The following PTK2 variants were observed in gnomAD, a reference collection of about 807,000 sequenced individuals.
PTK2 encodes the protein focal adhesion kinase 1.
PTK2 carries 45 observed loss-of-function variants against 150.1 expected under a neutral mutation model. The ratio of observed to expected loss-of-function variants is 0.30; its 90% CI spans 0.24 to 0.38. The LOEUF (loss-of-function observed/expected upper bound fraction) is 0.38. Among genes scored for constraint, PTK2 ranks in the 10% least tolerant of loss-of-function variants. PTK2 has a pLI of 1.00. For synonymous variants in PTK2, 432 were observed against 449.2 expected (o/e 0.96, Z 0.48); for missense variants, 919 against 1,307.3 (o/e 0.70, Z 4.58).
intron 30 of PTK2, among the ~76,000 whole-genome samples, chr8:140,667,102 CA>C (rs1330434230): frequency 2.1e-4 from 32 of 152,130 alleles, no homozygotes; most frequent in Admixed American, 1.8e-3. Flanking sequence ...TGGAGGTTGC[CA>C]GGGGCTGGGG....
intron 1 of PTK2, among the ~76,000 whole-genome samples, chr8:140,928,586 TATATAAATTCA>T (rs1256906357): frequency 1.3e-5 from 2 of 152,234 alleles, no homozygotes; most frequent in Non-Finnish European, 2.9e-5. Flanking sequence ...CAACATGTGG[TATATAAATTCA>T]ATGAAATATT....
At chr8:140,904,942 C>T (rs1475833185) in intron 2 of PTK2, among the ~76,000 whole-genome samples, 2 of 152,054 alleles carry the variant, frequency 1.3e-5, no homozygotes, top group African/African-American at 4.8e-5. Flanking sequence ...TTTCAAAAAA[C>T]CAGCTCCTGG....
At chr8:140,970,843 T>TTGTCTGACTACAACA (rs71310808) in intron 1 of PTK2, among the ~76,000 whole-genome samples, 5 of 150,668 alleles carry the variant, frequency 3.3e-5, no homozygotes, top group Non-Finnish European at 7.4e-5. Context: ...CCATGTTAAG[T>TTGTCTGACTACAACA]TGTCTGACTA....
intron 14 of PTK2, among the ~76,000 whole-genome samples, chr8:140,788,491 C>G (rs1761336695): frequency 6.6e-6 from 1 of 152,144 alleles, no homozygotes; most frequent in Admixed American, 6.5e-5. Context: ...TGAGACCAGC[C>G]TGGCCAATAT....
chr8:140,686,213 G>C (rs370503322), intron 27 of PTK2, among the ~76,000 whole-genome samples: 4 of 152,088 alleles, frequency 2.6e-5, no homozygotes, highest in East Asian at 1.9e-4. Context: ...ACAATGAAGG[G>C]AACAACAGAC....
At chr8:140,930,149 CTG>C (rs955775117) in intron 1 of PTK2, among the ~76,000 whole-genome samples, 7 of 152,284 alleles carry the variant, frequency 4.6e-5, no homozygotes, top group Non-Finnish European at 8.8e-5. Flanking sequence ...TACTGAAACA[CTG>C]TTAACAGCCT....
chr8:140,839,031 T>C (rs1567308554), intron 7 of PTK2, among the ~76,000 whole-genome samples: 2 of 150,210 alleles, frequency 1.3e-5, no homozygotes, highest in African/African-American at 2.5e-5. Context: ...AAAAAACTTA[T>C]AAGTAAAAGT....
intron 2 of PTK2, among the ~76,000 whole-genome samples, chr8:140,907,222 C>CT: frequency 6.6e-6 from 1 of 152,316 alleles, no homozygotes; most frequent in Middle Eastern, 3.4e-3. Context: ...CACTCTAGTC[C>CT]TTTCTGCCTT....
chr8:140,775,884 A>C (rs1188164177), intron 14 of PTK2, among the ~76,000 whole-genome samples: 1 of 152,212 alleles, frequency 6.6e-6, no homozygotes, highest in Non-Finnish European at 1.5e-5. Context: ...AGAAATTTAC[A>C]CCTATAAAGG....
chr8:140,732,505 G>A (rs904117433), intron 22 of PTK2: 1 of 519,634 alleles, frequency 1.9e-6, no homozygotes, highest in African/African-American at 1.9e-5. Context: ...TTCAGTGCCT[G>A]GGTGACTCTT....
At chr8:140,811,962 G>A (rs2100101835) in intron 10 of PTK2, among the ~76,000 whole-genome samples, 1 of 152,170 alleles carries the variant, frequency 6.6e-6, no homozygotes, top group Non-Finnish European at 1.5e-5. Flanking sequence ...AAAGAGCTGG[G>A]GAGAGTGTAA....
intron 5 of PTK2, among the ~76,000 whole-genome samples, chr8:140,851,057 G>A (rs2100128994): frequency 6.6e-6 from 1 of 152,158 alleles, no homozygotes; most frequent in Admixed American, 6.5e-5. Flanking sequence ...GGGGCAGAGG[G>A]CAGACAAAGA....
intron 5 of PTK2, among the ~76,000 whole-genome samples, chr8:140,848,427 G>T (rs1408771471): frequency 6.9e-6 from 1 of 144,352 alleles, no homozygotes; most frequent in African/African-American, 2.6e-5. Context: ...CTAAGGCTGG[G>T]TGCTCAATAA....
intron 26 of PTK2, among the ~76,000 whole-genome samples, chr8:140,695,126 G>T (rs779270216): frequency 6.6e-6 from 1 of 152,208 alleles, no homozygotes; most frequent in Non-Finnish European, 1.5e-5. Context: ...CCCTGACATG[G>T]ACTCCTCATT....
At chr8:140,946,888 T>C (rs954337828) in intron 1 of PTK2, among the ~76,000 whole-genome samples, 3 of 152,172 alleles carry the variant, frequency 2.0e-5, no homozygotes, top group African/African-American at 7.2e-5. Context: ...CAACAAACAT[T>C]TCCTGAATTG....
intron 26 of PTK2, among the ~76,000 whole-genome samples, chr8:140,694,897 G>A (rs11785444): frequency 0.13 from 19,395 of 152,136 alleles, 1,289 homozygotes; most frequent in South Asian, 0.19. Context: ...TTCTACAACC[G>A]ACACACACTA....
At chr8:140,744,703 T>G in exon 19 of PTK2, 1 of 1,609,114 alleles carries the variant, frequency 6.2e-7, no homozygotes, top group Non-Finnish European at 8.5e-7. Context: ...ACTAAGCTGA[T>G]AGGCATACAG....
chr8:140,972,721 G>A (rs551521084), intron 1 of PTK2, among the ~76,000 whole-genome samples: 6 of 151,902 alleles, frequency 3.9e-5, no homozygotes, highest in Admixed American at 6.6e-5. Context: ...AAAGTTCACC[G>A]ATCCTTGTTT....
chr8:140,659,787 T>C, intron 31 of PTK2, 109 bp from the exon 36 acceptor site: 1 of 945,746 alleles, frequency 1.1e-6, no homozygotes, highest in Non-Finnish European at 1.6e-6. Context: ...ACTCCTGGGC[T>C]CAAGGAATCT....
Sources: allele counts gnomAD v4.1 joint callset (sites outside exome capture counted in the v4.1 genomes callset), GRCh38; gene constraint gnomAD v4.1.1; transcripts MANE v1.5; gene names NCBI Gene and HGNC (gene_info 2026-07-23, HGNC 2026-07-21).